Variants in MS4A10 observed in about 807,000 individuals in gnomAD.
The protein encoded by MS4A10 is membrane spanning 4-domains A10.
Under a neutral mutation model 27.7 loss-of-function variants are expected in MS4A10, and 27 were observed. The observed-to-expected ratio is 0.98, with a 90% CI of 0.72 to 1.35. The LOEUF is 1.35. Among genes scored for constraint, MS4A10 ranks in the 40% most tolerant of loss-of-function variants. The pLI is 0.00. For missense variants in MS4A10, 338 were observed against 324.7 expected (o/e 1.04, Z -0.32); for synonymous variants, 139 against 131.2 (o/e 1.06, Z -0.41).
chr11:60,793,645 G>A (rs1314744288), intron 4 of MS4A10, among the ~76,000 whole-genome samples: 1 of 152,214 alleles, frequency 6.6e-6, no homozygotes, highest in Non-Finnish European at 1.5e-5. Flanking sequence ...ATGTAGGATG[G>A]TCGGGGCTGG....
rs182503773 is a variant in MS4A10, at chr11:60,790,261, C to T, written c.-22-53C>T. The stretch of plus-strand genomic sequence containing the variant: ...GGTGATTGGCAGAGGCTCACCCAGG[C>T]ACAAGCCTCAGAAATGAGACGGGTT... On this transcript the variant is annotated intron_variant, in intron 1 of 7. Transcript: ENST00000308287. 292 of 1,485,910 alleles carry T rather than the reference C, an allele frequency of 2.0e-4. 2 individuals carry two copies. In the African/African-American group the frequency reaches 3.4e-3, roughly 17 times the overall value. The allele number at this position is 1,485,910 out of a possible 1,614,324, so 92.0% of individuals were successfully genotyped here.
At chr11:60,787,494 G>T (rs1027859077) in intron 1 of MS4A10, among the ~76,000 whole-genome samples, 1 of 151,774 alleles carries the variant, frequency 6.6e-6, no homozygotes, top group Admixed American at 6.6e-5. Context: ...TCCTTGTAGC[G>T]GCTCTCTATC....
At chr11:60,794,587 C>T (rs1049366590) in intron 5 of MS4A10, among the ~76,000 whole-genome samples, 6 of 152,196 alleles carry the variant, frequency 3.9e-5, no homozygotes, top group African/African-American at 1.2e-4. Flanking sequence ...AAGCCTGGTG[C>T]TCTTTTCACC....
At chr11:60,786,711 G>A (rs1003854100) in intron 1 of MS4A10, among the ~76,000 whole-genome samples, 6 of 152,168 alleles carry the variant, frequency 3.9e-5, no homozygotes, top group Non-Finnish European at 8.8e-5. Flanking sequence ...AGAACCAGAC[G>A]AGGACAAGGT....
At chr11:60,798,546 T>G in intron 7 of MS4A10, 32 bp downstream of exon 7, 1 of 1,549,028 alleles carries the variant, frequency 6.5e-7, no homozygotes, top group Admixed American at 1.7e-5. Flanking sequence ...TCCCCAGACC[T>G]TCAGAACCCA....
At position 60,798,530 on chromosome 11, in the gene MS4A10, C is replaced by T. The variant is rs570481784; in HGVS notation, c.722+16C>T. ...AACATCAGAGGTGAAGAGGTTTGGCCCTGGCTCCCCAGACCTTCAGAACCC... is the reference window on the plus strand; with the variant it reads ...AACATCAGAGGTGAAGAGGTTTGGCTCTGGCTCCCCAGACCTTCAGAACCC... On this transcript the variant is annotated intron_variant, in intron 7 of 7. Transcript: ENST00000308287. 15 of 1,599,682 alleles carry T rather than the reference C, an allele frequency of 9.4e-6. No homozygotes were observed. In the South Asian group the frequency reaches 1.5e-4, roughly 16 times the overall value.
chr11:60,795,571 T>C lies in MS4A10; in HGVS notation c.509T>C (p.Leu170Pro). Residue 170 changes from leucine (L) to proline (P), a missense_variant, in exon 6 of 8, where the codon CTG becomes CCG. Physicochemically the swap from Leu to Pro is moderately conservative, Grantham distance 98. Transcript: ENST00000308287. ...YPNSTVHIQR[L>P]ELALLCFTVL... ...CCCTCTCAGGTCCACATCCAGAGGC[T>C]GGAGCTGGCCTTGCTCTGCTTCACT... 2 of 1,567,948 alleles carry C rather than the reference T, an allele frequency of 1.3e-6. No homozygotes were observed. Among genetic ancestry groups the C allele is most frequent in the Non-Finnish European group, 8.6e-7 (1 of 1,156,826 alleles).
In MS4A10 at chr11:60,785,405, C is replaced by A. The variant is rs1038356280; in HGVS notation, c.-39C>A. The A allele has an allele frequency of 2.6e-5, 4 of 152,312 alleles. No homozygotes were observed. Among genetic ancestry groups the A allele is most frequent in the African/African-American group, 7.2e-5 (3 of 41,474 alleles). 9.4% of individuals were successfully genotyped at this position (152,312 alleles called of 1,614,324 possible). A position where few individuals can be genotyped will look rare whatever the true frequency, so the allele number is the denominator to read the frequency against. ...AAGCACAGCTGGAAGCTCAGAGCTG[C>A]AGTCCCAGGTCCTGGGGTGAGTGGT... On this transcript the variant is annotated 5_prime_UTR_variant, in exon 1 of 8. Transcript: ENST00000308287.
intron 4 of MS4A10, among the ~76,000 whole-genome samples, chr11:60,793,035 G>A (rs969010096): frequency 7.2e-5 from 11 of 152,282 alleles, no homozygotes; most frequent in African/African-American, 2.6e-4. Context: ...GGGTGGAGGT[G>A]GATGGATGAT....
At position 60,790,456 on chromosome 11, in the gene MS4A10, C is replaced by T. The variant is rs1854411968; in HGVS notation, c.121C>T (p.Leu41Phe). The T allele has an allele frequency of 6.2e-7, 1 of 1,614,094 alleles. No individual in the cohort carries two copies. The highest frequency in any genetic ancestry group is 1.3e-5 in the African/African-American group (1 of 74,944). ...ACCCCAGAACACGACCCAGCCCAAG[C>T]TCCTGGCTCCACACCAGCACGAGAA... is the stretch of plus-strand genomic sequence containing the variant. ...SAPQNTTQPK[L>F]LAPHQHEKSQ... Residue 41 changes from leucine to phenylalanine, a missense_variant, in exon 2 of 8, where the codon CTC (leucine) becomes TTC (phenylalanine). By Grantham distance (22) the Leu-to-Phe change is conservative. Coordinates refer to ENST00000308287, the MANE Select transcript of MS4A10 (RefSeq NM_206893.4).
chr11:60,794,198 C>G (rs1854483450), intron 5 of MS4A10, 95 bp downstream of exon 5: 1 of 1,499,640 alleles, frequency 6.7e-7, no homozygotes, highest in Non-Finnish European at 9.1e-7. Context: ...AAAGCCCCTC[C>G]TGGAGCCCAG....
At chr11:60,793,823 G>A (rs1279079748) in intron 4 of MS4A10, 149 bp from the exon 5 acceptor site, 8 of 841,350 alleles carry the variant, frequency 9.5e-6, no homozygotes, top group Admixed American at 2.3e-5. Context: ...GGGCTGAGGG[G>A]CCAGTGACAG....
At chr11:60,793,320 G>A (rs1260517956) in intron 4 of MS4A10, among the ~76,000 whole-genome samples, 1 of 152,190 alleles carries the variant, frequency 6.6e-6, no homozygotes, top group Non-Finnish European at 1.5e-5. Context: ...CTCTTGCTTT[G>A]TATACCTGAG....
intron 2 of MS4A10, 47 bp downstream of exon 2, chr11:60,790,565 G>C (rs779927807): frequency 3.7e-6 from 6 of 1,605,872 alleles, no homozygotes; most frequent in Middle Eastern, 1.7e-4. Flanking sequence ...GCAGAGGAGA[G>C]GGGGATATGA....
rs140372946 is a variant in MS4A10, at chr11:60,786,183, ACACACG to A, written c.-23+768_-23+773del. Reference sequence around the variant, plus strand: ...TGCATGCACACACATGCACACACACACACACGCACACACACACACACACACACACCC... The same window carrying A: ...TGCATGCACACACATGCACACACACACACACACACACACACACACACACCC... On this transcript the variant is annotated intron_variant, in intron 1 of 7. Coordinates refer to ENST00000308287, the MANE Select transcript of MS4A10 (RefSeq NM_206893.4). Among the ~76,000 whole-genome samples, 292 of 145,312 alleles carry A rather than the reference ACACACG, an allele frequency of 2.0e-3. 4 individuals carry two copies. The East Asian group carries it at 0.043, about 21-fold the overall frequency.
chr11:60,791,238 AGCT>A, intron 3 of MS4A10, 145 bp downstream of exon 3: 1 of 1,077,860 alleles, frequency 9.3e-7, no homozygotes, highest in South Asian at 1.7e-5. Context: ...CAGTGTTCCT[AGCT>A]CTGCTTCTTT....
intron 7 of MS4A10, among the ~76,000 whole-genome samples, 166 bp downstream of exon 7, chr11:60,798,680 G>A (rs1468848011): frequency 6.6e-6 from 1 of 152,212 alleles, no homozygotes; most frequent in East Asian, 1.9e-4. Context: ...GGCAGCAATG[G>A]TCCTATCCCC....
intron 5 of MS4A10, 24 bp from the exon 6 acceptor site, chr11:60,795,531 C>A (rs1162831782): frequency 2.7e-6 from 4 of 1,477,312 alleles, no homozygotes; most frequent in Admixed American, 2.3e-5. Flanking sequence ...CCTCACCCTG[C>A]CTTCCTTCCC....
At chr11:60,797,241 G>A (rs559862842) in intron 6 of MS4A10, among the ~76,000 whole-genome samples, 1 of 152,280 alleles carries the variant, frequency 6.6e-6, no homozygotes, top group South Asian at 2.1e-4. Context: ...AGCAATAATT[G>A]TTCCTATTTA....
Sources: allele counts gnomAD v4.1 joint callset (sites outside exome capture counted in the v4.1 genomes callset), GRCh38; gene constraint gnomAD v4.1.1; transcripts MANE v1.5; gene names NCBI Gene and HGNC (gene_info 2026-07-23, HGNC 2026-07-21).